The following TNFSF4 variants were observed in gnomAD, a reference collection of about 807,000 sequenced individuals.
The protein encoded by TNFSF4 is tumor necrosis factor ligand superfamily member 4.
Under a neutral mutation model 7.3 loss-of-function variants are expected in TNFSF4, and 4 were observed. That is an observed-to-expected ratio of 0.55 (90% confidence interval 0.27 to 1.25). The LOEUF is 1.25. Ranked by LOEUF, TNFSF4 falls within the 50% of genes most tolerant of loss-of-function variation. TNFSF4 has a pLI of 0.12. For synonymous variants in TNFSF4, 76 were observed against 83.7 expected (o/e 0.91, Z 0.50); for missense variants, 181 against 208.8 (o/e 0.87, Z 0.82).
the TNFSF4 span, among the ~76,000 whole-genome samples, chr1:173,377,977 C>T: frequency 6.6e-6 from 1 of 152,172 alleles, no homozygotes; most frequent in Non-Finnish European, 1.5e-5. Flanking sequence ...CAGCAGAATG[C>T]TTATGACTCT....
the TNFSF4 span, among the ~76,000 whole-genome samples, chr1:173,258,596 G>A: frequency 2.3e-4 from 35 of 152,294 alleles, no homozygotes; most frequent in South Asian, 7.3e-3. Context: ...TTTGGAAACT[G>A]CCTAAGATGA....
At chr1:173,355,286 A>G in the TNFSF4 span, among the ~76,000 whole-genome samples, 8 of 152,230 alleles carry the variant, frequency 5.3e-5, no homozygotes, top group African/African-American at 1.9e-4. Flanking sequence ...ATTTAATCAC[A>G]TCTGCAAAGT....
chr1:173,403,054 G>A, the TNFSF4 span, among the ~76,000 whole-genome samples: 6 of 152,058 alleles, frequency 3.9e-5, no homozygotes, highest in Non-Finnish European at 4.4e-5. Context: ...ATCTCCCTAT[G>A]TTGCCCAGGC....
At chr1:173,273,316 G>C in the TNFSF4 span, among the ~76,000 whole-genome samples, 3 of 152,076 alleles carry the variant, frequency 2.0e-5, no homozygotes, top group Admixed American at 1.3e-4. Flanking sequence ...AATTCGTGTT[G>C]CTCCTGATAC....
the TNFSF4 span, among the ~76,000 whole-genome samples, chr1:173,338,105 C>T: frequency 2.6e-5 from 4 of 152,118 alleles, no homozygotes; most frequent in Non-Finnish European, 4.4e-5. Flanking sequence ...CAACCACTGC[C>T]GACTTCACAA....
At chr1:173,265,956 C>T in the TNFSF4 span, among the ~76,000 whole-genome samples, 1 of 152,118 alleles carries the variant, frequency 6.6e-6, no homozygotes, top group Non-Finnish European at 1.5e-5. Context: ...AACTTTAACT[C>T]CTTAATGCTT....
the TNFSF4 span, among the ~76,000 whole-genome samples, chr1:173,251,004 A>C: frequency 6.6e-6 from 1 of 152,196 alleles, no homozygotes; most frequent in Non-Finnish European, 1.5e-5. Context: ...AACTTGTTAG[A>C]TATGCAAATT....
At chr1:173,315,333 C>T in the TNFSF4 span, among the ~76,000 whole-genome samples, 7 of 152,072 alleles carry the variant, frequency 4.6e-5, no homozygotes, top group African/African-American at 1.7e-4. Flanking sequence ...CCCATAAAAG[C>T]TGTTTAAATA....
chr1:173,212,495 A>G, the TNFSF4 span, among the ~76,000 whole-genome samples: 2,315 of 151,760 alleles, frequency 0.015, 60 homozygotes, highest in African/African-American at 0.053. Context: ...TGTTGAGAGC[A>G]TTTATTATGC....
At chr1:173,239,997 C>T in the TNFSF4 span, among the ~76,000 whole-genome samples, 34 of 152,092 alleles carry the variant, frequency 2.2e-4, no homozygotes, top group Non-Finnish European at 4.0e-4. Context: ...CGCCACTGTA[C>T]TCCAGCCTGG....
chr1:173,274,839 T>C, the TNFSF4 span, among the ~76,000 whole-genome samples: 5 of 152,088 alleles, frequency 3.3e-5, no homozygotes, highest in South Asian at 1.0e-3. Context: ...TAAAAAAGAG[T>C]ACCTTATTTT....
chr1:173,355,416 T>C, the TNFSF4 span, among the ~76,000 whole-genome samples: 1 of 152,276 alleles, frequency 6.6e-6, no homozygotes, highest in Non-Finnish European at 1.5e-5. Flanking sequence ...TTATCTCACT[T>C]CTCACAGAGA....
At chr1:173,303,151 G>A in the TNFSF4 span, among the ~76,000 whole-genome samples, 1 of 151,846 alleles carries the variant, frequency 6.6e-6, no homozygotes, top group Admixed American at 6.6e-5. Flanking sequence ...GATTCAGGGT[G>A]GGAGAGTTTA....
At chr1:173,273,296 A>G in the TNFSF4 span, among the ~76,000 whole-genome samples, 2 of 152,118 alleles carry the variant, frequency 1.3e-5, no homozygotes, top group Admixed American at 6.6e-5. Flanking sequence ...TCTTGCTTCA[A>G]TTTTAGCAGA....
At chr1:173,263,647 C>T in the TNFSF4 span, among the ~76,000 whole-genome samples, 554 of 152,288 alleles carry the variant, frequency 3.6e-3, 4 homozygotes, top group Middle Eastern at 0.014. Flanking sequence ...GTAATTGTGG[C>T]TGTTACTCTG....
chr1:173,266,521 C>T, the TNFSF4 span, among the ~76,000 whole-genome samples: 154 of 152,208 alleles, frequency 1.0e-3, no homozygotes, highest in Non-Finnish European at 2.0e-3. Context: ...CCTTAAGATT[C>T]TTCTCAAATA....
the TNFSF4 span, among the ~76,000 whole-genome samples, chr1:173,351,062 T>C: frequency 6.6e-6 from 1 of 152,190 alleles, no homozygotes; most frequent in Non-Finnish European, 1.5e-5. Flanking sequence ...ATACTAATAA[T>C]AAGTCCAAAA....
At chr1:173,384,683 A>C in the TNFSF4 span, among the ~76,000 whole-genome samples, 97 of 152,290 alleles carry the variant, frequency 6.4e-4, no homozygotes, top group African/African-American at 2.2e-3. Context: ...GCGATGAAAC[A>C]AATTTTTAAT....
chr1:173,438,503 T>C, the TNFSF4 span, among the ~76,000 whole-genome samples: 1 of 152,324 alleles, frequency 6.6e-6, no homozygotes, highest in African/African-American at 2.4e-5. Flanking sequence ...TTTTTTTCTT[T>C]GTGAACTGTA....
Sources: gnomAD v4.1 joint callset for allele counts (sites outside exome capture counted in the v4.1 genomes callset) on GRCh38, gnomAD v4.1.1 for gene constraint, MANE v1.5 for transcripts, NCBI Gene and HGNC (gene_info 2026-07-23, HGNC 2026-07-21) for gene names.